Variants in TEX15 observed in about 807,000 individuals in gnomAD.
TEX15 encodes testis expressed 15, meiosis and synapsis associated.
Under a neutral mutation model 237.3 loss-of-function variants are expected in TEX15, and 171 were observed. The observed-to-expected ratio is 0.72, with a 90% CI of 0.64 to 0.82. TEX15 has a LOEUF of 0.82. Among genes scored for constraint, TEX15 ranks in the 40% least tolerant of loss-of-function variants. TEX15 has a pLI of 0.00. For missense variants in TEX15, 3,750 were observed against 3,646.5 expected (o/e 1.03, Z -0.73); for synonymous variants, 1,338 against 1,269.8 (o/e 1.05, Z -1.14).
In TEX15 at chr8:30,842,314, G is replaced by GT; in HGVS notation, c.7852dup (p.Thr2618AsnfsTer3). The GT allele has an allele frequency of 1.2e-6, 2 of 1,613,746 alleles. No homozygotes were observed. Among genetic ancestry groups the GT allele is most frequent in the South Asian group, 2.2e-5 (2 of 91,068 alleles). The stretch of plus-strand genomic sequence containing the variant: ...ACATATCATCTTCATATGTTCAATC[G>GT]TTTTCATGACTTTCCTAATGTGGGC... On this transcript the variant is annotated frameshift_variant, in exon 8 of 11. Transcript: ENST00000643185. LOFTEE classifies it high-confidence loss of function.
rs750060386 is a variant in TEX15 at position 30,844,084 on chromosome 8, G to A, written c.6083C>T (p.Pro2028Leu). The A allele has an allele frequency of 6.2e-7, 1 of 1,612,756 alleles. No homozygotes were observed. Among genetic ancestry groups the A allele is most frequent in the Admixed American group, 1.7e-5 (1 of 59,858 alleles). Residue 2028 changes from proline (P) to leucine (L), a missense_variant, in exon 8 of 11, where the codon CCT becomes CTT. Physicochemically the swap from Pro to Leu is moderately conservative, Grantham distance 98. Transcript: ENST00000643185. ...EETKVCLNIL[P>L]LFVEAFERKQ... ...TCTTTCAAAAGCTTCCACAAATAAA[G>A]GGAGAATATTTAGACAAACCTTAGT...
At position 30,846,497 on chromosome 8, in the gene TEX15, T is replaced by C; in HGVS notation, c.3670A>G (p.Asn1224Asp). 2 of 1,613,534 alleles carry C rather than the reference T, an allele frequency of 1.2e-6. No individual in the cohort carries two copies. The highest frequency in any genetic ancestry group is 1.7e-6 in the Non-Finnish European group (2 of 1,179,734). ...ACTGGCCCTGATTCTTGCCTTATAT[T>C]ATCAACTTTATCTTCACATGGATAA... ...ADYPCEDKVDNIRQESGPVSN... is the reference protein window; with the variant it reads ...ADYPCEDKVDDIRQESGPVSN... Residue 1224 changes from asparagine (N) to aspartate (D), a missense_variant, in exon 8 of 11, where the codon AAT becomes GAT. By Grantham distance (23) the Asn-to-Asp change is conservative. Coordinates refer to ENST00000643185, the MANE Select transcript of TEX15 (RefSeq NM_001350162.2).
Position 30,845,040 on chromosome 8 carries a change from CA to C in TEX15, c.5126del (p.Leu1709Ter). The C allele has an allele frequency of 6.2e-7, 1 of 1,613,594 alleles. No individual in the cohort carries two copies. The highest frequency in any genetic ancestry group is 1.6e-4 in the Middle Eastern group (1 of 6,062). The stretch of plus-strand genomic sequence containing the variant: ...GAATACTGTACTTTTTACTTGCTAT[CA>C]AAGTTAGGTTTAATGGGCCCATAAG... ...NFLMGPLNLT[L>X]IASKKYSIPQ... On this transcript the variant is annotated frameshift_variant, in exon 8 of 11. Coordinates refer to ENST00000643185, the MANE Select transcript of TEX15 (RefSeq NM_001350162.2). LOFTEE classifies it high-confidence loss of function.
In TEX15 at chr8:30,837,502, T is replaced by A. The variant is rs1356726976; in HGVS notation, c.8782A>T (p.Ile2928Phe). 1.2e-6 allele frequency: 2 copies of A among 1,613,072 alleles called. No individual in the cohort carries two copies. Among genetic ancestry groups the A allele is most frequent in the African/African-American group, 2.7e-5 (2 of 74,920 alleles). Residue 2928 changes from isoleucine to phenylalanine, a missense_variant, in exon 10 of 11, where the codon ATT becomes TTT. Ile to Phe is a conservative substitution (Grantham distance 21). Coordinates refer to ENST00000643185, the MANE Select transcript of TEX15 (RefSeq NM_001350162.2). ...LQDNDIVNSS[I>F]KNSSCMTSPE... ...GAAGTCATGCATGAGGAATTTTTAA[T>A]AGATGAATTTACTATATCATTATCT... is the stretch of plus-strand genomic sequence containing the variant.
chr8:30,881,615 TA>T (rs1563266981), intron 3 of TEX15, among the ~76,000 whole-genome samples: 13,786 of 127,660 alleles, frequency 0.11, 3,885 homozygotes, highest in African/African-American at 0.4. Flanking sequence ...CTTGACTTTT[TA>T]TTTTTTTTTA....
intron 7 of TEX15, among the ~76,000 whole-genome samples, chr8:30,851,370 C>T (rs896228544): frequency 2.6e-5 from 4 of 152,200 alleles, no homozygotes; most frequent in Non-Finnish European, 5.9e-5. Flanking sequence ...TGGCTCATGC[C>T]TGTAATCCCA....
chr8:30,904,908 G>A (rs1001573123), intron 1 of TEX15, among the ~76,000 whole-genome samples: 8 of 152,194 alleles, frequency 5.3e-5, no homozygotes, highest in South Asian at 2.1e-4. Context: ...CTGTAATGGA[G>A]TTATGCCCAG....
chr8:30,889,940 T>TATATATACATAC (rs1554502301), intron 2 of TEX15, among the ~76,000 whole-genome samples: 1 of 129,922 alleles, frequency 7.7e-6, no homozygotes, highest in Non-Finnish European at 1.5e-5. Flanking sequence ...TATACATATA[T>TATATATACATAC]ATATATATAT....
At position 30,847,732 on chromosome 8, in the gene TEX15, T is replaced by C. The variant is rs964028854; in HGVS notation, c.2435A>G (p.Asn812Ser). The C allele has an allele frequency of 2.5e-6, 4 of 1,613,808 alleles. No individual in the cohort carries two copies. Among genetic ancestry groups the C allele is most frequent in the Admixed American group, 1.7e-5 (1 of 60,020 alleles). ...EHICVHRKNE[N>S]EPVSLENIQR... Reference sequence around the variant, plus strand: ...AATGTTCTCTAATGACACTGGTTCATTTTCATTTTTCCTATGGACACATAT... The same window carrying C: ...AATGTTCTCTAATGACACTGGTTCACTTTCATTTTTCCTATGGACACATAT... Residue 812 changes from asparagine (N) to serine (S), a missense_variant, in exon 8 of 11, where the codon AAT becomes AGT. Asn to Ser is a conservative substitution (Grantham distance 46). Transcript: ENST00000643185.
chr8:30,907,410 C>T (rs758844592), intron 1 of TEX15, among the ~76,000 whole-genome samples: 1 of 135,916 alleles, frequency 7.4e-6, no homozygotes, highest in African/African-American at 3.0e-5. Flanking sequence ...GGACTACAGG[C>T]GCATGCCAGG....
At chr8:30,902,272 G>A (rs997010433) in intron 1 of TEX15, among the ~76,000 whole-genome samples, 6 of 146,634 alleles carry the variant, frequency 4.1e-5, no homozygotes, top group Non-Finnish European at 8.9e-5. Flanking sequence ...TTTAGCCAGA[G>A]TCACTATTAG....
chr8:30,867,607 G>A lies in TEX15; in HGVS notation c.303-105C>T, dbSNP rs938020734. On this transcript the variant is annotated intron_variant, in intron 4 of 10. Transcript: ENST00000643185. ...ACAGTTAGAAAGCAAGAGAAGTAGC[G>A]ATATTCAGAGGTATTACTACACTGT... The A allele has an allele frequency of 1.1e-5, 7 of 664,486 alleles. 1 individual carries two copies. The highest frequency in any genetic ancestry group is 2.8e-4 in the Middle Eastern group (1 of 3,520). The allele number at this position is 664,486 out of a possible 1,614,324, so 41.2% of individuals were successfully genotyped here.
intron 1 of TEX15, among the ~76,000 whole-genome samples, chr8:30,900,765 A>C (rs1808991018): frequency 6.6e-6 from 1 of 152,242 alleles, no homozygotes; most frequent in Non-Finnish European, 1.5e-5. Context: ...AGTTGGCTAC[A>C]GGACACTGAA....
Position 30,837,097 on chromosome 8 carries a change from C to T in TEX15, c.9187G>A (p.Gly3063Arg), listed in dbSNP as rs150540264. 9.0e-4 allele frequency: 1,457 copies of T among 1,614,142 alleles called. 20 individuals carry two copies. The South Asian group carries it at 0.011, about 13-fold the overall frequency. ...NGNAITQTYQ[G>R]ITSYEVQPSP... ...GGCTGTACTTCATATGATGTTATCC[C>T]TTGGTATGTCTGGGTAATGGCATTG... The change falls in exon 10 of 11, where the codon GGG becomes AGG. Residue 3063 changes from glycine (G) to arginine (R), a missense_variant. By Grantham distance (125) the Gly-to-Arg change is moderately radical. Coordinates refer to ENST00000643185, the MANE Select transcript of TEX15 (RefSeq NM_001350162.2).
chr8:30,899,791 G>A (rs761287282), intron 1 of TEX15, among the ~76,000 whole-genome samples: 30 of 152,080 alleles, frequency 2.0e-4, no homozygotes, highest in Non-Finnish European at 3.2e-4. Flanking sequence ...AACTCTGACC[G>A]TATGCACCAT....
intron 4 of TEX15, among the ~76,000 whole-genome samples, chr8:30,870,540 T>C (rs1420077781): frequency 1.3e-5 from 2 of 152,042 alleles, no homozygotes; most frequent in African/African-American, 2.4e-5. Context: ...TTAAAAGTAT[T>C]CAAGTAAGTA....
At chr8:30,899,330 C>T (rs1392714963) in intron 1 of TEX15, among the ~76,000 whole-genome samples, 1 of 152,126 alleles carries the variant, frequency 6.6e-6, no homozygotes, top group Non-Finnish European at 1.5e-5. Flanking sequence ...GAACAACAGA[C>T]TCAGAAAGGT....
chr8:30,912,240 G>C (rs1484390892), intron 1 of TEX15, among the ~76,000 whole-genome samples: 1 of 151,992 alleles, frequency 6.6e-6, no homozygotes. Flanking sequence ...GAGGCGCGCG[G>C]ACTGCCAGTC....
intron 1 of TEX15, among the ~76,000 whole-genome samples, chr8:30,907,720 A>T (rs1305590994): frequency 7.0e-6 from 1 of 143,160 alleles, no homozygotes; most frequent in Non-Finnish European, 1.5e-5. Context: ...TAGATATAAA[A>T]TTTATATATA....
Sources: gnomAD v4.1 joint callset for allele counts (sites outside exome capture counted in the v4.1 genomes callset) on GRCh38, gnomAD v4.1.1 for gene constraint, MANE v1.5 for transcripts, NCBI Gene and HGNC (gene_info 2026-07-23, HGNC 2026-07-21) for gene names.